The following DGKI variants were observed in gnomAD, a reference collection of about 807,000 sequenced individuals.
The protein encoded by DGKI is diacylglycerol kinase iota, also known as DAG kinase iota.
In DGKI, 55 loss-of-function variants were observed where a neutral mutation model predicts 147.5. That is an observed-to-expected ratio of 0.37 (90% confidence interval 0.30 to 0.47). The LOEUF is 0.47. DGKI is among the 20% of genes least tolerant of loss of function. The pLI, the probability that DGKI is intolerant of heterozygous loss-of-function variation, is 1.00. For missense variants in DGKI, 1,007 were observed against 1,323.8 expected, an observed-to-expected ratio of 0.76 and a Z score of 3.71; for synonymous variants, 469 against 477.1, an observed-to-expected ratio of 0.98 and a Z score of 0.22.
chr7:137,592,874 G>A (rs1450378024), intron 12 of DGKI, among the ~76,000 whole-genome samples: 1 of 152,120 alleles, frequency 6.6e-6, no homozygotes. Flanking sequence ...ATCAGAATAT[G>A]ACCTTTTCTT....
intron 1 of DGKI, among the ~76,000 whole-genome samples, chr7:137,781,334 G>T (rs1490572155): frequency 1.3e-5 from 2 of 151,978 alleles, no homozygotes; most frequent in African/African-American, 4.8e-5. Flanking sequence ...ATGGGGGGAG[G>T]GTATGTTCTT....
At chr7:137,758,242 G>A (rs1338586060) in intron 1 of DGKI, among the ~76,000 whole-genome samples, 1 of 152,204 alleles carries the variant, frequency 6.6e-6, no homozygotes, top group Admixed American at 6.5e-5. Flanking sequence ...GCCCCTGGGT[G>A]AGCTATGGGC....
chr7:137,666,002 A>G (rs1035139805), intron 3 of DGKI, among the ~76,000 whole-genome samples: 2 of 152,204 alleles, frequency 1.3e-5, no homozygotes, highest in African/African-American at 4.8e-5. Context: ...AACGTTCATG[A>G]CTGGTTACAA....
Position 137,815,686 on chromosome 7 carries a change from T to C in DGKI, c.401+30776A>G, listed in dbSNP as rs570255876. On this transcript the variant is annotated intron_variant, in intron 1 of 32. Coordinates refer to ENST00000614521, the MANE Select transcript of DGKI (RefSeq NM_001321708.2). ...GGAAGTTTACGGGCTTAGGTGACAC[T>C]CGTAGTACTAGCTATTATCTAACAC... 3.3e-4 allele frequency among the ~76,000 whole-genome samples: 51 copies of C among 152,312 alleles called. No individual in the cohort carries two copies. The Middle Eastern group carries it at 0.01, about 31-fold the overall frequency.
At chr7:137,761,277 C>A (rs1331184430) in intron 1 of DGKI, among the ~76,000 whole-genome samples, 1 of 152,164 alleles carries the variant, frequency 6.6e-6, no homozygotes, top group East Asian at 1.9e-4. Context: ...TTGTGGTGGT[C>A]AACACACAGG....
intron 12 of DGKI, among the ~76,000 whole-genome samples, chr7:137,589,861 T>C (rs1033245079): frequency 6.6e-6 from 1 of 152,180 alleles, no homozygotes; most frequent in Admixed American, 6.5e-5. Flanking sequence ...CTCTCCTTTA[T>C]GATTTGTGCT....
intron 28 of DGKI, among the ~76,000 whole-genome samples, chr7:137,415,933 T>C (rs1229445417): frequency 6.6e-6 from 1 of 152,084 alleles, no homozygotes; most frequent in Non-Finnish European, 1.5e-5. Flanking sequence ...GAGGTTGCAG[T>C]GAGCCGAGAT....
chr7:137,454,207 CGT>C (rs1814092312), intron 27 of DGKI, among the ~76,000 whole-genome samples: 2 of 152,078 alleles, frequency 1.3e-5, no homozygotes, highest in Admixed American at 1.3e-4. Flanking sequence ...ACAATGTATA[CGT>C]ACTTCAAAAA....
intron 1 of DGKI, among the ~76,000 whole-genome samples, chr7:137,704,467 A>T (rs1437401073): frequency 6.6e-6 from 1 of 152,168 alleles, no homozygotes; most frequent in East Asian, 1.9e-4. Flanking sequence ...GTTCAATTAG[A>T]GAGACAGGAA....
chr7:137,541,239 G>A (rs1817692645), intron 20 of DGKI, among the ~76,000 whole-genome samples: 1 of 152,188 alleles, frequency 6.6e-6, no homozygotes, highest in African/African-American at 2.4e-5. Context: ...GTGTGTCTGT[G>A]TGTGCGTATA....
rs1023885670 is a variant in DGKI, at chr7:137,743,379, C to G, written c.402-53377G>C. ...CTGTAAAAAGTACCACATGCTTGAT[C>G]ATAAAACAAGTCTCAATCAATTTTT... On this transcript the variant is annotated intron_variant, in intron 1 of 32. Coordinates refer to ENST00000614521, the MANE Select transcript of DGKI (RefSeq NM_001321708.2). Among the ~76,000 whole-genome samples the G allele has an allele frequency of 2.0e-5, 3 of 152,184 alleles. No homozygotes were observed. The South Asian group carries it at 6.2e-4, about 32-fold the overall frequency.
At chr7:137,687,122 T>C (rs1823444723) in intron 2 of DGKI, among the ~76,000 whole-genome samples, 1 of 152,054 alleles carries the variant, frequency 6.6e-6, no homozygotes, top group Non-Finnish European at 1.5e-5. Flanking sequence ...AAGAGTCAAG[T>C]GGGGAAAGGG....
chr7:137,482,072 T>C (rs934310887), intron 23 of DGKI, among the ~76,000 whole-genome samples: 1 of 151,942 alleles, frequency 6.6e-6, no homozygotes, highest in Non-Finnish European at 1.5e-5. Context: ...AAATAAAAGA[T>C]TTAGTATTAA....
At chr7:137,438,414 T>A (rs143587730) in intron 28 of DGKI, among the ~76,000 whole-genome samples, 2,619 of 152,224 alleles carry the variant, frequency 0.017, 77 homozygotes, top group African/African-American at 0.06. Flanking sequence ...CAAACATTTT[T>A]AAATTAGTTA....
chr7:137,421,229 T>C (rs1293029279), intron 28 of DGKI, among the ~76,000 whole-genome samples: 1 of 152,134 alleles, frequency 6.6e-6, no homozygotes, highest in Non-Finnish European at 1.5e-5. Flanking sequence ...GATTAATCCA[T>C]CAGTGGCATC....
chr7:137,638,635 T>TATATATACAC (rs1821495951), intron 6 of DGKI, among the ~76,000 whole-genome samples: 2 of 9,052 alleles, frequency 2.2e-4, no homozygotes, highest in East Asian at 0.031. Context: ...TATATGTGTG[T>TATATATACAC]ATATATGTGT....
intron 1 of DGKI, among the ~76,000 whole-genome samples, chr7:137,696,458 T>G (rs796260847): frequency 6.6e-5 from 9 of 135,592 alleles, no homozygotes; most frequent in Non-Finnish European, 1.1e-4. Flanking sequence ...TTTTTTTTTT[T>G]TTTTTGCTTA....
intron 1 of DGKI, among the ~76,000 whole-genome samples, chr7:137,707,243 C>A (rs1370311853): frequency 6.6e-6 from 1 of 152,110 alleles, no homozygotes; most frequent in Non-Finnish European, 1.5e-5. Flanking sequence ...ATGCGGATTC[C>A]TCTAGCATTT....
intron 19 of DGKI, among the ~76,000 whole-genome samples, chr7:137,568,991 G>A (rs1026001058): frequency 4.3e-4 from 65 of 151,880 alleles, no homozygotes; most frequent in African/African-American, 1.5e-3. Flanking sequence ...AGTCTGAGAA[G>A]GCATAGAAGA....
Sources: allele counts gnomAD v4.1 joint callset (sites outside exome capture counted in the v4.1 genomes callset), GRCh38; gene constraint gnomAD v4.1.1; transcripts MANE v1.5; gene names NCBI Gene and HGNC (gene_info 2026-07-23, HGNC 2026-07-21).